The following CLCN5 variants were observed in gnomAD, a reference collection of about 807,000 sequenced individuals.
The protein encoded by CLCN5 is Cl-/H+ antiporter 5, also known as H(+)/Cl(-) exchange transporter 5.
Under a neutral mutation model 54.0 loss-of-function variants are expected in CLCN5, and 17 were observed. The ratio of observed to expected loss-of-function variants is 0.31; its 90% CI spans 0.22 to 0.47. The LOEUF (loss-of-function observed/expected upper bound fraction) is 0.47. CLCN5 is among the 20% of genes least tolerant of loss of function. The pLI, the probability that CLCN5 is intolerant of heterozygous loss-of-function variation, is 1.00. For missense variants in CLCN5, 448 were observed against 646.7 expected, an observed-to-expected ratio of 0.69 and a Z score of 3.33; for synonymous variants, 222 against 233.0, an observed-to-expected ratio of 0.95 and a Z score of 0.43.
In CLCN5 at chrX:50,042,388, T is replaced by C; in HGVS notation, c.89T>C (p.Leu30Pro). The part of the protein sequence containing the change: ...SFQNSSSDED[L>P]MDIPATAMDF... ...CAGAACAGCTCCAGTGATGAAGACCTGATGGACATTCCAGCAACCGCTATG... is the reference window on the plus strand; with the variant it reads ...CAGAACAGCTCCAGTGATGAAGACCCGATGGACATTCCAGCAACCGCTATG... Residue 30 changes from leucine to proline, a missense_variant, in exon 4 of 15, where the codon CTG (leucine) becomes CCG (proline). Around this residue, in one of 5 missense-constraint regions of CLCN5, gnomAD observed 69 missense variants for 60.9 expected, o/e 1.13. Transcript: ENST00000376091. 1 of 1,168,514 alleles carries C rather than the reference T, an allele frequency of 8.6e-7. No homozygotes were observed. Among genetic ancestry groups the C allele is most frequent in the Non-Finnish European group, 1.1e-6 (1 of 871,344 alleles).
chrX:50,091,940 C>T (rs1934115737), intron 14 of CLCN5, among the ~76,000 whole-genome samples, 189 bp from the exon 15 acceptor site: 2 of 111,828 alleles, frequency 1.8e-5, no homozygotes, highest in South Asian at 7.5e-4. Context: ...CACTTGCATA[C>T]ATTTAGGAAT....
At chrX:50,008,032 C>T (rs1379568667) in intron 3 of CLCN5, among the ~76,000 whole-genome samples, 1 of 112,094 alleles carries the variant, frequency 8.9e-6, no homozygotes, top group Non-Finnish European at 1.9e-5. Context: ...AATGCAAATT[C>T]TTGGGTCTCA....
rs1557195806 is a variant in CLCN5, at chrX:50,097,344, C to A, written c.*5125C>A. Reference sequence around the variant, plus strand: ...TGTAGTCTAATTTTGCCAAATCACCCAAGAAAGAAAGTATATGACGTGTGG... The same window carrying A: ...TGTAGTCTAATTTTGCCAAATCACCAAAGAAAGAAAGTATATGACGTGTGG... On this transcript the variant is annotated 3_prime_UTR_variant, in exon 15 of 15. Transcript: ENST00000376091. 9.0e-6 allele frequency: 1 copy of A among 111,728 alleles called. No individual in the cohort carries two copies. Among genetic ancestry groups the A allele is most frequent in the African/African-American group, 3.3e-5 (1 of 30,625 alleles). 9.2% of individuals were successfully genotyped at this position (111,728 alleles called of 1,213,427 possible).
intron 2 of CLCN5, among the ~76,000 whole-genome samples, chrX:49,924,778 CCTT>C (rs201152052): frequency 0.011 from 1,257 of 111,763 alleles, 17 homozygotes; most frequent in African/African-American, 0.039. Context: ...ACTTTCCTCT[CCTT>C]CTACTGATTT....
At chrX:49,983,775 C>T (rs1231533819) in intron 3 of CLCN5, among the ~76,000 whole-genome samples, 1 of 109,178 alleles carries the variant, frequency 9.2e-6, no homozygotes, top group Non-Finnish European at 1.9e-5. Context: ...TAATTGTATT[C>T]AGTAGATATT....
chrX:50,079,312 C>A (rs1933576414), intron 7 of CLCN5, among the ~76,000 whole-genome samples: 1 of 112,036 alleles, frequency 8.9e-6, no homozygotes, highest in South Asian at 3.8e-4. Context: ...CAGAAAAAAC[C>A]TGAGCATTCT....
intron 3 of CLCN5, among the ~76,000 whole-genome samples, chrX:49,999,138 A>G (rs903871552): frequency 3.6e-5 from 4 of 110,583 alleles, no homozygotes; most frequent in African/African-American, 1.3e-4. Flanking sequence ...GATGATGCAC[A>G]CAGGAGTACA....
At chrX:49,931,129 A>T (rs1338025733) in intron 3 of CLCN5, among the ~76,000 whole-genome samples, 1 of 111,583 alleles carries the variant, frequency 9.0e-6, no homozygotes, top group Non-Finnish European at 1.9e-5. Context: ...AGGTGATTCT[A>T]ATGTGCAAAC....
At position 50,088,726 on chromosome X, in the gene CLCN5, T is replaced by C; in HGVS notation, c.1586T>C (p.Met529Thr). The C allele has an allele frequency of 8.3e-7, 1 of 1,211,693 alleles. No homozygotes were observed. The highest frequency in any genetic ancestry group is 2.3e-4 in the Middle Eastern group (1 of 4,354). Residue 529 changes from methionine (M) to threonine (T), a missense_variant, in exon 12 of 15, where the codon ATG (methionine) becomes ACG (threonine). By Grantham distance (81) the Met-to-Thr change is moderately conservative (BLOSUM62 -1). This residue lies in a region of CLCN5 where 297 missense variants were observed against 470.4 expected (regional missense o/e 0.63). Coordinates refer to ENST00000376091, the MANE Select transcript of CLCN5 (RefSeq NM_001127898.4). ...KIPSGLFIPS[M>T]AVGAIAGRLL... ...CCTTCTGGCCTCTTTATCCCTAGCA[T>C]GGCTGTTGGTGCTATAGCAGGTCGA...
At chrX:49,989,828 T>C (rs1273634151) in intron 3 of CLCN5, among the ~76,000 whole-genome samples, 3 of 112,432 alleles carry the variant, frequency 2.7e-5, no homozygotes, top group Non-Finnish European at 5.6e-5. Context: ...ACATTCATAT[T>C]CACATGCCAT....
chrX:49,984,417 C>T (rs1477035930), intron 3 of CLCN5, among the ~76,000 whole-genome samples: 1 of 111,369 alleles, frequency 9.0e-6, no homozygotes, highest in Non-Finnish European at 1.9e-5. Context: ...TCAAGCTGAC[C>T]TTAGTTTCAT....
At chrX:50,057,844 G>T (rs1374985590) in intron 4 of CLCN5, among the ~76,000 whole-genome samples, 1 of 110,205 alleles carries the variant, frequency 9.1e-6, no homozygotes, top group Non-Finnish European at 1.9e-5. Context: ...CAGGGCTTCC[G>T]CTGTAATGTA....
chrX:49,996,193 C>T (rs187754820), intron 3 of CLCN5, among the ~76,000 whole-genome samples: 4 of 112,024 alleles, frequency 3.6e-5, no homozygotes, highest in South Asian at 3.8e-4. Context: ...ACCCTTGTGC[C>T]GAAGACTGTG....
At chrX:49,955,503 C>G (rs1927272186) in intron 3 of CLCN5, among the ~76,000 whole-genome samples, 1 of 109,944 alleles carries the variant, frequency 9.1e-6, no homozygotes, top group Non-Finnish European at 1.9e-5. Context: ...GATAATTTGA[C>G]TGCTTTTGAA....
intron 3 of CLCN5, among the ~76,000 whole-genome samples, chrX:50,026,122 A>G (rs1931376434): frequency 8.9e-6 from 1 of 111,840 alleles, no homozygotes; most frequent in Admixed American, 9.5e-5. Flanking sequence ...ATTTTTCTTT[A>G]GACTTCTTTA....
chrX:50,066,813 T>G (rs1482548372), intron 4 of CLCN5, among the ~76,000 whole-genome samples: 3 of 112,532 alleles, frequency 2.7e-5, no homozygotes, highest in Non-Finnish European at 3.8e-5. Flanking sequence ...TTTTCTTGAC[T>G]ATACTCTGGG....
chrX:49,966,541 G>A (rs782261613), intron 3 of CLCN5, among the ~76,000 whole-genome samples: 3 of 75,803 alleles, frequency 4.0e-5, no homozygotes, highest in African/African-American at 1.2e-4. Context: ...TCATTTTTAT[G>A]TTTCCTTTTT....
intron 3 of CLCN5, among the ~76,000 whole-genome samples, chrX:49,960,586 CT>C (rs782099434): frequency 6.1e-4 from 67 of 109,058 alleles, no homozygotes; most frequent in African/African-American, 2.1e-3. Context: ...CAAACTTTCT[CT>C]TTCCCATCCA....
chrX:49,984,398 G>A (rs913561238), intron 3 of CLCN5, among the ~76,000 whole-genome samples: 4 of 111,504 alleles, frequency 3.6e-5, no homozygotes, highest in Non-Finnish European at 7.5e-5. Context: ...CATAGATCAG[G>A]TTTAGTAATC....
Sources: gnomAD v4.1 joint callset for allele counts (sites outside exome capture counted in the v4.1 genomes callset) on GRCh38, gnomAD v4.1.1 for gene constraint, gnomAD v4.1.1 regional missense constraint, MANE v1.5 for transcripts, NCBI Gene and HGNC (gene_info 2026-07-23, HGNC 2026-07-21) for gene names.